ZNF280C: variants seen among roughly 807,000 people sequenced by gnomAD.
ZNF280C encodes the protein suppressor of hairy wing homolog 3.
In ZNF280C, 14 loss-of-function variants were observed where a neutral mutation model predicts 53.6. The ratio of observed to expected loss-of-function variants is 0.26; its 90% CI spans 0.17 to 0.41. The LOEUF (loss-of-function observed/expected upper bound fraction) is 0.41. Ranked by LOEUF, ZNF280C falls within the 10% of genes least tolerant of loss-of-function variation. The pLI is 1.00. For synonymous variants in ZNF280C, 203 were observed against 181.1 expected, an observed-to-expected ratio of 1.12 and a Z score of -0.97; for missense variants, 416 against 547.1, an observed-to-expected ratio of 0.76 and a Z score of 2.39.
intron 1 of ZNF280C, among the ~76,000 whole-genome samples, chrX:130,263,532 G>A (rs760683987): frequency 2.7e-5 from 3 of 111,675 alleles, no homozygotes; most frequent in Non-Finnish European, 5.6e-5. Flanking sequence ...GTAGAGTAGA[G>A]GCTGCATATG....
At chrX:130,238,832 G>A (rs1178071749) in intron 6 of ZNF280C, among the ~76,000 whole-genome samples, 3 of 111,235 alleles carry the variant, frequency 2.7e-5, no homozygotes, top group Non-Finnish European at 5.7e-5. Flanking sequence ...ACTAATTTAT[G>A]AGTAAATAAT....
At chrX:130,220,615 G>C in intron 12 of ZNF280C, 135 bp from the exon 13 acceptor site, 1 of 568,678 alleles carries the variant, frequency 1.8e-6, no homozygotes, top group Non-Finnish European at 2.6e-6. Context: ...AATTCAAAGT[G>C]ATCTATTATT....
intron 2 of ZNF280C, among the ~76,000 whole-genome samples, chrX:130,251,538 CA>C (rs1452123077): frequency 9.0e-6 from 1 of 110,807 alleles, no homozygotes; most frequent in Non-Finnish European, 1.9e-5. Flanking sequence ...GCCAATCTTC[CA>C]AAGTATTAAG....
At chrX:130,239,770 A>T in intron 5 of ZNF280C, 77 bp from the exon 6 acceptor site, 1 of 540,352 alleles carries the variant, frequency 1.9e-6, no homozygotes, top group Non-Finnish European at 3.0e-6. Flanking sequence ...ACTATAAAGA[A>T]TCTTAATAAC....
intron 13 of ZNF280C, 149 bp from the exon 14 acceptor site, chrX:130,216,250 A>C (rs943736335): frequency 4.4e-6 from 2 of 455,746 alleles, no homozygotes; most frequent in African/African-American, 4.9e-5. Flanking sequence ...GTCTTGATGA[A>C]TGCTGCTACA....
intron 8 of ZNF280C, among the ~76,000 whole-genome samples, chrX:130,231,470 A>C (rs200481833): frequency 2.7e-5 from 3 of 112,008 alleles, no homozygotes; most frequent in East Asian, 2.8e-4. Context: ...CAAAAAACTA[A>C]ATATCTTATG....
chrX:130,243,195 T>C (rs1222076294), intron 5 of ZNF280C, among the ~76,000 whole-genome samples: 1 of 111,590 alleles, frequency 9.0e-6, no homozygotes, highest in African/African-American at 3.3e-5. Flanking sequence ...CTTTTGTTTT[T>C]TTCTTGAATC....
chrX:130,205,030 T>C, intron 18 of ZNF280C, 38 bp from the exon 19 acceptor site: 1 of 1,013,609 alleles, frequency 9.9e-7, no homozygotes, highest in Non-Finnish European at 1.3e-6. Context: ...ATATTTTTCA[T>C]TTATATTAAT....
At chrX:130,259,231 T>C (rs757020719) in intron 2 of ZNF280C, among the ~76,000 whole-genome samples, 1 of 112,390 alleles carries the variant, frequency 8.9e-6, no homozygotes, top group African/African-American at 3.2e-5. Context: ...TTTCTTTCTT[T>C]GTATTTCCTC....
chrX:130,223,691 CAT>C (rs937224817), intron 12 of ZNF280C, among the ~76,000 whole-genome samples: 11 of 112,181 alleles, frequency 9.8e-5, no homozygotes, highest in East Asian at 8.4e-4. Context: ...ATATTTAACA[CAT>C]GTGGAGTCTT....
chrX:130,238,921 C>T (rs2032361024), intron 6 of ZNF280C, among the ~76,000 whole-genome samples: 1 of 110,947 alleles, frequency 9.0e-6, no homozygotes. Flanking sequence ...ATAGTAATTG[C>T]TTTGATTATA....
intron 15 of ZNF280C, among the ~76,000 whole-genome samples, chrX:130,211,105 T>C (rs2032035211): frequency 8.9e-6 from 1 of 111,935 alleles, no homozygotes; most frequent in Non-Finnish European, 1.9e-5. Flanking sequence ...TATATATGCA[T>C]GGGAAAATAA....
At chrX:130,213,120 G>A (rs368660798) in intron 15 of ZNF280C, among the ~76,000 whole-genome samples, 1 of 111,645 alleles carries the variant, frequency 9.0e-6, no homozygotes, top group Non-Finnish European at 1.9e-5. Context: ...TTGGGAGGCC[G>A]AGGCGGGCGG....
At chrX:130,233,033 A>G (rs1464240409) in intron 8 of ZNF280C, among the ~76,000 whole-genome samples, 1 of 112,123 alleles carries the variant, frequency 8.9e-6, no homozygotes, top group Non-Finnish European at 1.9e-5. Flanking sequence ...CCATAAAAAC[A>G]GAAAGAAATC....
chrX:130,244,341 G>A (rs992991820), intron 3 of ZNF280C, among the ~76,000 whole-genome samples: 4 of 112,011 alleles, frequency 3.6e-5, no homozygotes, highest in Admixed American at 1.9e-4. Flanking sequence ...TATGAACTCC[G>A]TAACTTCTAG....
At chrX:130,209,747 T>A in intron 15 of ZNF280C, 32 bp from the exon 16 acceptor site, 3 of 1,100,742 alleles carry the variant, frequency 2.7e-6, no homozygotes, top group Non-Finnish European at 3.7e-6. Flanking sequence ...AAGATTTTAT[T>A]AATTTTATTA....
At chrX:130,215,619 C>T in intron 14 of ZNF280C, among the ~76,000 whole-genome samples, 172 bp downstream of exon 14, 1 of 112,077 alleles carries the variant, frequency 8.9e-6, no homozygotes. Context: ...AGAGAATAAA[C>T]ACAATGACTC....
At chrX:130,222,276 C>CCA (rs59694150) in intron 12 of ZNF280C, among the ~76,000 whole-genome samples, 9,086 of 69,688 alleles carry the variant, frequency 0.13, 516 homozygotes, top group East Asian at 0.2. Context: ...CATTCAGACA[C>CCA]CACACACACA....
intron 2 of ZNF280C, 119 bp from the exon 3 acceptor site, chrX:130,247,124 A>G (rs2032458434): frequency 3.9e-6 from 3 of 766,182 alleles, no homozygotes; most frequent in African/African-American, 2.1e-5. Flanking sequence ...TACTGACTTG[A>G]TATTTGTTTG....
Sources: allele counts gnomAD v4.1 joint callset (sites outside exome capture counted in the v4.1 genomes callset), GRCh38; gene constraint gnomAD v4.1.1; transcripts MANE v1.5; gene names NCBI Gene and HGNC (gene_info 2026-07-23, HGNC 2026-07-21).